AGO1: variants seen among roughly 807,000 people sequenced by gnomAD.
AGO1 encodes the protein argonaute RISC component 1.
AGO1 carries 11 observed loss-of-function variants against 109.2 expected under a neutral mutation model. That is an observed-to-expected ratio of 0.10 (90% CI 0.06 to 0.17). The LOEUF (loss-of-function observed/expected upper bound fraction) is 0.17. AGO1 is among the 10% of genes least tolerant of loss of function. The pLI is 1.00. For synonymous variants in AGO1, 422 were observed against 418.6 expected (o/e 1.01, Z -0.10); for missense variants, 574 against 1,140.3 (o/e 0.50, Z 7.15).
intron 17 of AGO1, among the ~76,000 whole-genome samples, chr1:35,918,779 C>G (rs1645780698): frequency 6.6e-6 from 1 of 152,190 alleles, no homozygotes; most frequent in African/African-American, 2.4e-5. Flanking sequence ...TGTTCTTGAA[C>G]TCCTGACCTC....
In AGO1 at chr1:35,901,336, G is replaced by T. The variant is rs971593515; in HGVS notation, c.1021-138G>T. 3 of 1,019,060 alleles carry T rather than the reference G, an allele frequency of 2.9e-6. No individual in the cohort carries two copies. The highest frequency in any genetic ancestry group is 2.9e-6 in the Non-Finnish European group (2 of 682,540). The allele number at this position is 1,019,060 out of a possible 1,614,324, so 63.1% of individuals were successfully genotyped here. The stretch of plus-strand genomic sequence containing the variant: ...ACCTATCAAATGATACTCAGGAGGA[G>T]AATACATGTATGCACAACGGATTTT... On this transcript the variant is annotated intron_variant, in intron 8 of 18. Transcript: ENST00000373204. This position sits in a 1 kb window ranked among gnomAD's most constrained non-coding sequence, Gnocchi z 4.8.
Position 35,925,615 on chromosome 1 carries a change from A to G in AGO1, c.*6008A>G, listed in dbSNP as rs949611226. On this transcript the variant is annotated 3_prime_UTR_variant, in exon 19 of 19. Transcript: ENST00000373204. Reference sequence around the variant, plus strand: ...ATAGGCTAGTAGTCTGTGGTTTATGAGTATGGGCTGGGTGGGCAGTGGATC... The same window carrying G: ...ATAGGCTAGTAGTCTGTGGTTTATGGGTATGGGCTGGGTGGGCAGTGGATC... 2 of 151,854 alleles carry G rather than the reference A, an allele frequency of 1.3e-5. No homozygotes were observed. The highest frequency in any genetic ancestry group is 2.9e-5 in the Non-Finnish European group (2 of 67,998). The allele number at this position is 151,854 out of a possible 1,614,324, so 9.4% of individuals were successfully genotyped here. A position where few individuals can be genotyped will look rare whatever the true frequency, so the allele number is the denominator to read the frequency against.
intron 8 of AGO1, among the ~76,000 whole-genome samples, chr1:35,897,523 T>C (rs1327182996): frequency 4.6e-5 from 7 of 152,156 alleles, no homozygotes; most frequent in African/African-American, 1.7e-4. Flanking sequence ...ATTACTGTTT[T>C]TTGGAAAAGC....
At chr1:35,870,606 T>C (rs1264730890) in intron 1 of AGO1, among the ~76,000 whole-genome samples, 1 of 152,172 alleles carries the variant, frequency 6.6e-6, no homozygotes, top group African/African-American at 2.4e-5. Context: ...AAGGAGAGTA[T>C]TTGAACAGAC....
Position 35,902,616 on chromosome 1 carries a change from AAAT to A in AGO1, c.1397+281_1397+283del, listed in dbSNP as rs2148716102. On this transcript the variant is annotated intron_variant, in intron 11 of 18. Transcript: ENST00000373204. The stretch of plus-strand genomic sequence containing the variant: ...TGTTATAATTATTATCATTGGTAAT[AAAT>A]AGTAGTAGTGATGACTGTAATGTTT... Among the ~76,000 whole-genome samples, 3 of 152,358 alleles carry A rather than the reference AAAT, an allele frequency of 2.0e-5. No homozygotes were observed. In the South Asian group the frequency reaches 6.2e-4, roughly 32 times the overall value.
chr1:35,918,952 G>C, intron 17 of AGO1, 103 bp from the exon 18 acceptor site: 1 of 1,073,348 alleles, frequency 9.3e-7, no homozygotes, highest in South Asian at 1.4e-5. Flanking sequence ...CTGTTCATGG[G>C]TGAATTATCT....
chr1:35,901,353 A>T lies in AGO1; in HGVS notation c.1021-121A>T. 8.0e-7 allele frequency: 1 copy of T among 1,255,586 alleles called. No individual in the cohort carries two copies. The highest frequency in any genetic ancestry group is 1.1e-6 in the Non-Finnish European group (1 of 885,402). The allele number at this position is 1,255,586 out of a possible 1,614,324, so 77.8% of individuals were successfully genotyped here. On this transcript the variant is annotated intron_variant, in intron 8 of 18. Transcript: ENST00000373204. The surrounding 1 kb of genome is among the most constrained non-coding windows in gnomAD (Gnocchi z 4.8). ...CAGGAGGAGAATACATGTATGCACA[A>T]CGGATTTTGCAGTTCCCTTCCCCAT...
At chr1:35,915,829 C>A (rs769050207) in intron 15 of AGO1, among the ~76,000 whole-genome samples, 1 of 152,180 alleles carries the variant, frequency 6.6e-6, no homozygotes, top group African/African-American at 2.4e-5. Flanking sequence ...ACATTAAGAT[C>A]GCCTGGAGGG....
chr1:35,877,646 T>C (rs147678448), intron 1 of AGO1, among the ~76,000 whole-genome samples: 55 of 152,330 alleles, frequency 3.6e-4, no homozygotes, highest in African/African-American at 1.2e-3. Flanking sequence ...AGATGTGTTA[T>C]GTGTAAAATA....
chr1:35,901,702 CT>C lies in AGO1; in HGVS notation c.1140+110del. On this transcript the variant is annotated intron_variant, in intron 9 of 18. Transcript: ENST00000373204. This position sits in a 1 kb window ranked among gnomAD's most constrained non-coding sequence, Gnocchi z 4.8. ...GAGAACCCAAGTCTAGATTTGTTGCCTAGGACTGTATAAGGCTGCTTTTGCT... is the reference window on the plus strand; with the variant it reads ...GAGAACCCAAGTCTAGATTTGTTGCCAGGACTGTATAAGGCTGCTTTTGCT... 6.4e-7 allele frequency: 1 copy of C among 1,553,052 alleles called. No homozygotes were observed. Among genetic ancestry groups the C allele is most frequent in the Non-Finnish European group, 8.8e-7 (1 of 1,140,658 alleles).
chr1:35,893,127 G>T lies in AGO1; in HGVS notation c.361G>T (p.Gly121Trp). 6.2e-7 allele frequency: 1 copy of T among 1,614,120 alleles called. No homozygotes were observed. Among genetic ancestry groups the T allele is most frequent in the Non-Finnish European group, 8.5e-7 (1 of 1,180,018 alleles). The change falls in exon 4 of 19, where the codon GGG becomes TGG. Residue 121 changes from glycine to tryptophan, a missense_variant. This residue lies in a region of AGO1 where 129 missense variants were observed against 243.0 expected (regional missense o/e 0.53). Coordinates refer to ENST00000373204, the MANE Select transcript of AGO1 (RefSeq NM_012199.5). This position sits in a 1 kb window ranked among gnomAD's most constrained non-coding sequence, Gnocchi z 5.6. Reference protein sequence around the residue: ...VDFEVTIPGEGKDRIFKVSIK... With the variant: ...VDFEVTIPGEWKDRIFKVSIK... ...CTTTGAGGTGACAATCCCTGGGGAA[G>T]GGAAGGATCGAATCTTTAAGGTCTC...
intron 8 of AGO1, among the ~76,000 whole-genome samples, chr1:35,896,715 C>T (rs551884509): frequency 1.3e-5 from 2 of 152,278 alleles, no homozygotes; most frequent in South Asian, 4.1e-4. Flanking sequence ...AAGCTCTAGT[C>T]TTCTGGTGAG....
Position 35,919,536 on chromosome 1 carries a change from C to T in AGO1, c.2503C>T (p.Arg835Trp). 1 of 1,614,070 alleles carries T rather than the reference C, an allele frequency of 6.2e-7. No homozygotes were observed. Among genetic ancestry groups the T allele is most frequent in the Non-Finnish European group, 8.5e-7 (1 of 1,179,976 alleles). Reference sequence around the variant, plus strand: ...CCACATATCGGGGCAGAGCAATGGGCGGGACCCCCAGGCCCTGGCCAAAGC... The same window carrying T: ...CCACATATCGGGGCAGAGCAATGGGTGGGACCCCCAGGCCCTGGCCAAAGC... ...GSHISGQSNG[R>W]DPQALAKAVQ... The change falls in exon 19 of 19, where the codon CGG (arginine) becomes TGG (tryptophan). Residue 835 changes from arginine (R) to tryptophan (W), a missense_variant. Arg to Trp is a moderately radical substitution (Grantham distance 101, BLOSUM62 -3). Around this residue, in one of 8 missense-constraint regions of AGO1, gnomAD observed 33 missense variants for 44.2 expected, o/e 0.75. Transcript: ENST00000373204. The surrounding 1 kb of genome is among the most constrained non-coding windows in gnomAD (Gnocchi z 6.6).
chr1:35,915,673 G>T, intron 15 of AGO1, 131 bp downstream of exon 15: 2 of 857,556 alleles, frequency 2.3e-6, no homozygotes, highest in Non-Finnish European at 3.6e-6. Context: ...GAGTAGACTT[G>T]GGGGCAAGGA....
At chr1:35,892,801 G>T in intron 3 of AGO1, 124 bp downstream of exon 3, 1 of 1,380,308 alleles carries the variant, frequency 7.2e-7, no homozygotes, top group Non-Finnish European at 1.0e-6. Context: ...GTTTTAGGGT[G>T]AGGGGTGGGT....
At chr1:35,874,486 T>G (rs1159546657) in intron 1 of AGO1, among the ~76,000 whole-genome samples, 1 of 152,152 alleles carries the variant, frequency 6.6e-6, no homozygotes, top group East Asian at 1.9e-4. Flanking sequence ...CTTATGTGTA[T>G]TCTAAATGCT....
chr1:35,878,542 C>T (rs1342194532), upstream of AGO1, among the ~76,000 whole-genome samples: 1 of 152,128 alleles, frequency 6.6e-6, no homozygotes, highest in Non-Finnish European at 1.5e-5. Flanking sequence ...TTCTGGGGCA[C>T]ACTACATGGG....
chr1:35,928,751 A>T lies in AGO1; in HGVS notation c.*9144A>T, dbSNP rs1645979058. 6.6e-6 allele frequency: 1 copy of T among 152,232 alleles called. No individual in the cohort carries two copies. Among genetic ancestry groups the T allele is most frequent in the South Asian group, 2.1e-4 (1 of 4,834 alleles). The allele number at this position is 152,232 out of a possible 1,614,324, so 9.4% of individuals were successfully genotyped here. A position where few individuals can be genotyped will look rare whatever the true frequency, so the allele number is the denominator to read the frequency against. ...CAAAAGTTTAAAATTTTGTGAATTT[A>T]TTAAAGCTCCGTTTGTTGCTTTTTT... On this transcript the variant is annotated 3_prime_UTR_variant, in exon 19 of 19. Transcript: ENST00000373204.
At chr1:35,907,616 A>T (rs895107093) in intron 12 of AGO1, among the ~76,000 whole-genome samples, 2 of 152,154 alleles carry the variant, frequency 1.3e-5, no homozygotes, top group Admixed American at 1.3e-4. Flanking sequence ...CTTTTCTTTT[A>T]TGCCATTTTC....
Sources: gnomAD v4.1 joint callset for allele counts (sites outside exome capture counted in the v4.1 genomes callset) on GRCh38, gnomAD v4.1.1 for gene constraint, gnomAD v4.1.1 regional missense constraint, Gnocchi (gnomAD v3.1) non-coding constraint, MANE v1.5 for transcripts, NCBI Gene and HGNC (gene_info 2026-07-23, HGNC 2026-07-21) for gene names.